The following MSH4 variants were observed in gnomAD, a reference collection of about 807,000 sequenced individuals.
The protein encoded by MSH4 is mutS homolog 4.
Under a neutral mutation model 113.7 loss-of-function variants are expected in MSH4, and 106 were observed. The ratio of observed to expected loss-of-function variants is 0.93; its 90% confidence interval spans 0.80 to 1.10. The LOEUF (loss-of-function observed/expected upper bound fraction) is 1.10. Ranked by LOEUF, MSH4 falls within the 50% of genes least tolerant of loss-of-function variation. The pLI is 0.00. For missense variants in MSH4, 1,061 were observed against 1,093.7 expected, an observed-to-expected ratio of 0.97 and a Z score of 0.42; for synonymous variants, 368 against 380.2, an observed-to-expected ratio of 0.97 and a Z score of 0.37.
At chr1:75,816,243 A>T in intron 5 of MSH4, 130 bp from the exon 6 acceptor site, 1 of 487,884 alleles carries the variant, frequency 2.0e-6, no homozygotes, top group Non-Finnish European at 3.4e-6. Flanking sequence ...CAAAAATATG[A>T]AATACCTGGT....
chr1:75,824,904 GT>G (rs71588855), intron 7 of MSH4, among the ~76,000 whole-genome samples: 83,941 of 120,198 alleles, frequency 0.7, 29,652 homozygotes, highest in South Asian at 0.85. Flanking sequence ...CTTCAGCTTT[GT>G]TTTTTTTTTT....
chr1:75,891,972 G>A (rs1330847549), intron 17 of MSH4, among the ~76,000 whole-genome samples: 1 of 152,184 alleles, frequency 6.6e-6, no homozygotes, highest in Non-Finnish European at 1.5e-5. Context: ...GCCACAGAGT[G>A]CCCAGACATT....
intron 7 of MSH4, among the ~76,000 whole-genome samples, chr1:75,839,051 A>T (rs899686780): frequency 6.6e-6 from 1 of 152,110 alleles, no homozygotes; most frequent in African/African-American, 2.4e-5. Context: ...TTGAAATTGT[A>T]TTCTGTTATT....
intron 17 of MSH4, among the ~76,000 whole-genome samples, chr1:75,892,431 C>G (rs1467697045): frequency 6.6e-6 from 1 of 152,032 alleles, no homozygotes; most frequent in Non-Finnish European, 1.5e-5. Flanking sequence ...CCCACCCCCT[C>G]TCTATTGGTC....
At chr1:75,902,037 A>G (rs11161848) in intron 19 of MSH4, among the ~76,000 whole-genome samples, 41,023 of 151,706 alleles carry the variant, frequency 0.27, 5,818 homozygotes, top group Middle Eastern at 0.37. Flanking sequence ...CATCCATATA[A>G]TTTTTATTTA....
intron 12 of MSH4, among the ~76,000 whole-genome samples, chr1:75,879,588 A>G (rs5745456): frequency 1.5e-3 from 232 of 152,216 alleles, no homozygotes; most frequent in African/African-American, 5.3e-3. Flanking sequence ...TCTTTGTTCT[A>G]TCTGCTTAGG....
intron 15 of MSH4, among the ~76,000 whole-genome samples, chr1:75,886,003 A>G (rs1465129308): frequency 1.8e-4 from 15 of 82,750 alleles, no homozygotes; most frequent in South Asian, 1.6e-3. Flanking sequence ...TATAGCATGT[A>G]TAGTATATAT....
At chr1:75,878,383 T>G in intron 11 of MSH4, 65 bp downstream of exon 11, 1 of 1,294,538 alleles carries the variant, frequency 7.7e-7, no homozygotes, top group South Asian at 1.5e-5. Flanking sequence ...CATGCTGTCC[T>G]TTTTTGCTGC....
intron 14 of MSH4, among the ~76,000 whole-genome samples, chr1:75,882,641 C>T (rs1235912233): frequency 1.5e-5 from 2 of 132,840 alleles, no homozygotes; most frequent in Non-Finnish European, 3.1e-5. Context: ...CCAGCCTGGG[C>T]AACATAGCTA....
At chr1:75,866,307 G>A (rs948685312) in intron 8 of MSH4, among the ~76,000 whole-genome samples, 2 of 151,896 alleles carry the variant, frequency 1.3e-5, no homozygotes, top group Admixed American at 6.6e-5. Context: ...CCACAGACAT[G>A]TGCCACCACA....
intron 8 of MSH4, among the ~76,000 whole-genome samples, chr1:75,865,734 A>T (rs956184825): frequency 5.7e-4 from 87 of 152,370 alleles, no homozygotes; most frequent in African/African-American, 2.0e-3. Flanking sequence ...ATGCCAAATC[A>T]TCAATTACAA....
intron 19 of MSH4, among the ~76,000 whole-genome samples, chr1:75,902,888 T>C (rs1457932925): frequency 6.6e-6 from 1 of 150,788 alleles, no homozygotes; most frequent in African/African-American, 2.4e-5. Context: ...TTTTTTGCTA[T>C]TGAGTTGAGT....
chr1:75,822,421 T>C lies in MSH4; in HGVS notation c.1002T>C (p.Thr334=), dbSNP rs1382041632. 4.5e-6 allele frequency: 7 copies of C among 1,551,504 alleles called. No individual in the cohort carries two copies. The East Asian group carries it at 1.7e-4, about 38-fold the overall frequency. ...TGTGTTTTGAAAGGAATAATCACAC[T>C]CTCTTTGGTGTTCTAAATTATACTA... ...INNQDYRNNH[T]LFGVLNYTKT... Residue 334 remains threonine, a synonymous_variant, in exon 7 of 20, where the codon ACT becomes ACC. Coordinates refer to ENST00000263187, the MANE Select transcript of MSH4 (RefSeq NM_002440.4).
At chr1:75,861,743 C>T (rs12403889) in intron 8 of MSH4, among the ~76,000 whole-genome samples, 11,564 of 152,266 alleles carry the variant, frequency 0.076, 722 homozygotes, top group East Asian at 0.27. Context: ...CTTGAGGAGG[C>T]AGTCTCTCTG....
chr1:75,855,049 CT>C (rs1651285487), intron 8 of MSH4, among the ~76,000 whole-genome samples: 1 of 147,286 alleles, frequency 6.8e-6, no homozygotes, highest in Non-Finnish European at 1.5e-5. Context: ...TTTTTTCTTT[CT>C]TTTTTGAGAC....
chr1:75,873,078 C>G (rs907043105), intron 9 of MSH4, among the ~76,000 whole-genome samples: 3 of 152,208 alleles, frequency 2.0e-5, no homozygotes, highest in Non-Finnish European at 4.4e-5. Flanking sequence ...TGTGTCTTTG[C>G]TGTTTTCAAG....
chr1:75,850,717 G>A (rs536534161), intron 8 of MSH4, among the ~76,000 whole-genome samples: 3 of 151,972 alleles, frequency 2.0e-5, no homozygotes, highest in South Asian at 2.1e-4. Context: ...GGTGTTTTAC[G>A]TTTTTTTGTT....
At chr1:75,852,271 T>TTATATCC (rs1383657958) in intron 8 of MSH4, among the ~76,000 whole-genome samples, 6 of 152,358 alleles carry the variant, frequency 3.9e-5, no homozygotes, top group Non-Finnish European at 8.8e-5. Context: ...ACATTTGGTT[T>TTATATCC]ATCAGTTTAT....
At chr1:75,811,754 T>G (rs951370438) in intron 4 of MSH4, among the ~76,000 whole-genome samples, 3 of 152,200 alleles carry the variant, frequency 2.0e-5, no homozygotes, top group Admixed American at 6.5e-5. Flanking sequence ...TTTCAGAATA[T>G]ACTATATTTT....
Sources: allele counts gnomAD v4.1 joint callset (sites outside exome capture counted in the v4.1 genomes callset), GRCh38; gene constraint gnomAD v4.1.1; transcripts MANE v1.5; gene names NCBI Gene and HGNC (gene_info 2026-07-23, HGNC 2026-07-21).